The following PARD3 variants were observed in gnomAD, a reference collection of about 807,000 sequenced individuals.
The protein encoded by PARD3 is par-3 family cell polarity regulator.
PARD3 carries 75 observed loss-of-function variants against 155.4 expected under a neutral mutation model. The observed-to-expected ratio is 0.48, with a 90% CI of 0.40 to 0.58. The LOEUF (loss-of-function observed/expected upper bound fraction) is 0.58. PARD3 is among the 20% of genes least tolerant of loss of function. The pLI is 0.00. For synonymous variants in PARD3, 576 were observed against 610.5 expected (o/e 0.94, Z 0.83); for missense variants, 1,642 against 1,721.7 (o/e 0.95, Z 0.82).
At chr10:34,767,806 A>C (rs1471051977) in intron 1 of PARD3, among the ~76,000 whole-genome samples, 1 of 151,518 alleles carries the variant, frequency 6.6e-6, no homozygotes, top group Non-Finnish European at 1.5e-5. Flanking sequence ...ATACAAAAAT[A>C]TTGTCTGGAC....
At chr10:34,511,189 G>A (rs2081378162) in intron 3 of PARD3, among the ~76,000 whole-genome samples, 2 of 152,064 alleles carry the variant, frequency 1.3e-5, no homozygotes, top group Non-Finnish European at 2.9e-5. Context: ...TGCTTCTCAG[G>A]GTTCTGTATT....
At chr10:34,303,502 T>C (rs894350319) in intron 20 of PARD3, among the ~76,000 whole-genome samples, 3 of 151,524 alleles carry the variant, frequency 2.0e-5, no homozygotes, top group African/African-American at 7.3e-5. Context: ...TTTACTACTA[T>C]AAAAGGAGAT....
intron 22 of PARD3, among the ~76,000 whole-genome samples, chr10:34,259,624 T>C (rs1421332952): frequency 6.6e-6 from 1 of 152,128 alleles, no homozygotes; most frequent in East Asian, 1.9e-4. Context: ...TTCCAGAAAT[T>C]AGGGCGTGGG....
At chr10:34,370,877 G>A (rs552951890) in intron 12 of PARD3, among the ~76,000 whole-genome samples, 1 of 142,668 alleles carries the variant, frequency 7.0e-6, no homozygotes, top group Non-Finnish European at 1.5e-5. Context: ...TTGTTTTATA[G>A]ATCTTTTCCA....
At chr10:34,426,674 T>G (rs1012403258) in intron 5 of PARD3, 1 of 152,202 alleles carries the variant, frequency 6.6e-6, no homozygotes, top group Non-Finnish European at 1.5e-5. Flanking sequence ...GTCCTTTTTC[T>G]TCACAAGTAC....
intron 2 of PARD3, among the ~76,000 whole-genome samples, chr10:34,627,287 C>T (rs968425591): frequency 1.3e-5 from 2 of 152,278 alleles, no homozygotes; most frequent in East Asian, 1.9e-4. Context: ...CATGACCTCC[C>T]GAAGTGCTGG....
intron 5 of PARD3, among the ~76,000 whole-genome samples, chr10:34,409,088 A>G (rs1057127863): frequency 6.6e-6 from 1 of 152,254 alleles, no homozygotes; most frequent in South Asian, 2.1e-4. Flanking sequence ...TCTTATCTCA[A>G]GCTAGTACTG....
intron 3 of PARD3, among the ~76,000 whole-genome samples, chr10:34,506,960 C>G (rs767765732): frequency 3.3e-5 from 5 of 152,268 alleles, no homozygotes; most frequent in Admixed American, 3.3e-4. Flanking sequence ...CCTGTCTTAT[C>G]CGCCAAATTG....
intron 22 of PARD3, among the ~76,000 whole-genome samples, chr10:34,250,668 TAA>T (rs370194034): frequency 4.2e-4 from 60 of 141,458 alleles, no homozygotes; most frequent in African/African-American, 1.4e-3. Flanking sequence ...AAGCTGGAAA[TAA>T]AAAAAAAAAA....
intron 2 of PARD3, among the ~76,000 whole-genome samples, chr10:34,685,168 G>T (rs886265764): frequency 1.9e-4 from 29 of 152,178 alleles, no homozygotes; most frequent in African/African-American, 6.8e-4. Context: ...TCAGAAGACA[G>T]TAGGGTATGT....
At chr10:34,416,635 C>T (rs548871534) in intron 5 of PARD3, among the ~76,000 whole-genome samples, 2 of 152,246 alleles carry the variant, frequency 1.3e-5, no homozygotes, top group South Asian at 4.1e-4. Flanking sequence ...ACTAAGAGAA[C>T]AACCTGATGT....
At chr10:34,381,034 A>G (rs1202311892) in intron 9 of PARD3, among the ~76,000 whole-genome samples, 1 of 152,242 alleles carries the variant, frequency 6.6e-6, no homozygotes, top group East Asian at 1.9e-4. Context: ...GCAACGAGGC[A>G]AGCTGTCAAC....
chr10:34,637,264 G>A (rs989857496), intron 2 of PARD3, among the ~76,000 whole-genome samples: 1 of 152,186 alleles, frequency 6.6e-6, no homozygotes, highest in Admixed American at 6.5e-5. Context: ...CAAAAACAAC[G>A]ACAAAGCCAG....
intron 2 of PARD3, among the ~76,000 whole-genome samples, chr10:34,620,674 T>C (rs2091611161): frequency 6.6e-6 from 1 of 152,172 alleles, no homozygotes; most frequent in Non-Finnish European, 1.5e-5. Context: ...GATAAATAGA[T>C]AAAAAGCTCA....
chr10:34,565,260 C>CTTTTTTTTT lies in PARD3; in HGVS notation c.223-48110_223-48102dup, dbSNP rs59606413. Among the ~76,000 whole-genome samples the CTTTTTTTTT allele has an allele frequency of 3.0e-4, 12 of 39,670 alleles. 3 individuals are homozygous for CTTTTTTTTT. The highest frequency in any genetic ancestry group is 1.3e-3 in the African/African-American group (12 of 9,064). 26.0% of individuals were successfully genotyped at this position (39,670 alleles called of 152,430 possible). On this transcript the variant is annotated intron_variant, in intron 2 of 24. Coordinates refer to ENST00000374788, the MANE Select transcript of PARD3 (RefSeq NM_001184785.2). ...TCAGATAAAAGACAAAGGAGCAAGG[C>CTTTTTTTTT]TTTTTTTTTTTTTTTTTTTTTTTTT...
intron 5 of PARD3, among the ~76,000 whole-genome samples, chr10:34,409,353 C>A (rs924818983): frequency 6.6e-6 from 1 of 152,086 alleles, no homozygotes; most frequent in East Asian, 1.9e-4. Context: ...GATTCCAGAG[C>A]ATGGAGGAAT....
intron 22 of PARD3, among the ~76,000 whole-genome samples, chr10:34,205,946 G>T (rs1394034674): frequency 1.3e-5 from 2 of 152,170 alleles, no homozygotes; most frequent in African/African-American, 4.8e-5. Flanking sequence ...GAGGACCGAT[G>T]CTGATGTTGG....
chr10:34,677,761 G>GT (rs1287657535), intron 2 of PARD3, among the ~76,000 whole-genome samples: 1 of 152,118 alleles, frequency 6.6e-6, no homozygotes, highest in Non-Finnish European at 1.5e-5. Flanking sequence ...ACTCTCAATG[G>GT]TTTCACAGCT....
intron 4 of PARD3, among the ~76,000 whole-genome samples, chr10:34,463,754 T>C (rs2077828652): frequency 6.6e-6 from 1 of 152,218 alleles, no homozygotes; most frequent in African/African-American, 2.4e-5. Flanking sequence ...ACATATATAA[T>C]GGTGATCACA....
Sources: allele counts gnomAD v4.1 joint callset (sites outside exome capture counted in the v4.1 genomes callset), GRCh38; gene constraint gnomAD v4.1.1; transcripts MANE v1.5; gene names NCBI Gene and HGNC (gene_info 2026-07-23, HGNC 2026-07-21).